CREBBP: variants seen among roughly 807,000 people sequenced by gnomAD.
CREBBP encodes the protein CREB binding lysine acetyltransferase.
CREBBP carries 19 observed loss-of-function variants against 265.0 expected under a neutral mutation model. The ratio of observed to expected loss-of-function variants is 0.07; its 90% CI spans 0.05 to 0.11. CREBBP has a LOEUF of 0.11. Among genes scored for constraint, CREBBP ranks in the 10% least tolerant of loss-of-function variants. CREBBP has a pLI of 1.00. For missense variants in CREBBP, 2,525 were observed against 3,219.0 expected, an observed-to-expected ratio of 0.78 and a Z score of 5.22; for synonymous variants, 1,457 against 1,223.7, an observed-to-expected ratio of 1.19 and a Z score of -3.98.
chr16:3,805,677 G>A (rs75823142), intron 3 of CREBBP, among the ~76,000 whole-genome samples: 17 of 152,288 alleles, frequency 1.1e-4, no homozygotes, highest in African/African-American at 2.9e-4. Flanking sequence ...GTTGGGGAGT[G>A]GGGGAAGATT....
At position 3,850,555 on chromosome 16, in the gene CREBBP, G is replaced by A; in HGVS notation, c.540C>T (p.Asn180=). Residue 180 remains asparagine (N), a synonymous_variant, in exon 2 of 31, where the codon AAC becomes AAT. Transcript: ENST00000262367. ...QTGPGICMNA[N]FNQTHPGLLN... ...GGAGGCCTGGGTGGGTCTGGTTAAA[G>A]TTAGCATTCATGCAGATACCAGGTC... The A allele has an allele frequency of 1.9e-6, 3 of 1,614,240 alleles. No individual in the cohort carries two copies. Among genetic ancestry groups the A allele is most frequent in the East Asian group, 2.2e-5 (1 of 44,892 alleles).
intron 16 of CREBBP, among the ~76,000 whole-genome samples, chr16:3,763,511 A>G (rs544932766): frequency 6.6e-6 from 1 of 152,202 alleles, no homozygotes; most frequent in South Asian, 2.1e-4. Flanking sequence ...CCCAGGCTGG[A>G]GTGCAATGGC....
At chr16:3,761,521 C>G (rs199586695) in intron 16 of CREBBP, 32 of 518,434 alleles carry the variant, frequency 6.2e-5, no homozygotes, top group Admixed American at 6.0e-4. Flanking sequence ...AAAACAGGCG[C>G]ACCAAGAACA....
Position 3,785,344 on chromosome 16 carries a change from C to T in CREBBP, c.1331-2418G>A, listed in dbSNP as rs981760239. Among the ~76,000 whole-genome samples the T allele has an allele frequency of 5.3e-5, 8 of 152,230 alleles. No homozygotes were observed. In the South Asian group the frequency reaches 6.2e-4, roughly 12 times the overall value. ...CAGTGAGTACACTCTGCCAGGCTCCCAGACATGGTGTGGGCACAATCTCTG... is the reference window on the plus strand; with the variant it reads ...CAGTGAGTACACTCTGCCAGGCTCCTAGACATGGTGTGGGCACAATCTCTG... On this transcript the variant is annotated intron_variant, in intron 5 of 30. Transcript: ENST00000262367.
chr16:3,845,468 T>C (rs945175890), intron 2 of CREBBP, among the ~76,000 whole-genome samples: 2 of 152,138 alleles, frequency 1.3e-5, no homozygotes, highest in African/African-American at 2.4e-5. Flanking sequence ...CAGCATATCG[T>C]ATCAGTGGGA....
At chr16:3,734,299 C>T (rs1236695137) in intron 28 of CREBBP, among the ~76,000 whole-genome samples, 3 of 152,158 alleles carry the variant, frequency 2.0e-5, no homozygotes, top group Admixed American at 6.5e-5. Flanking sequence ...GTGTTGCTGA[C>T]GAAGGCATGT....
intron 16 of CREBBP, among the ~76,000 whole-genome samples, chr16:3,764,072 T>C (rs1158468829): frequency 1.3e-5 from 2 of 152,156 alleles, no homozygotes; most frequent in East Asian, 3.9e-4. Context: ...TCACACACAC[T>C]GCTGCTGCTG....
chr16:3,838,454 G>A (rs1429382157), intron 2 of CREBBP, among the ~76,000 whole-genome samples: 1 of 152,094 alleles, frequency 6.6e-6, no homozygotes, highest in Non-Finnish European at 1.5e-5. Flanking sequence ...TCCCCTGGGA[G>A]ACATGTCAAA....
rs1223352226 is a variant in CREBBP, at chr16:3,850,401, G to C, written c.694C>G (p.Gln232Glu). The C allele has an allele frequency of 6.2e-7, 1 of 1,614,244 alleles. No individual in the cohort carries two copies. The highest frequency in any genetic ancestry group is 8.5e-7 in the Non-Finnish European group (1 of 1,180,034). Residue 232 changes from glutamine to glutamate, a missense_variant, in exon 2 of 31, where the codon CAG becomes GAG. This residue lies in a region of CREBBP where 356 missense variants were observed against 340.4 expected (regional missense o/e 1.05). Coordinates refer to ENST00000262367, the MANE Select transcript of CREBBP (RefSeq NM_004380.3). Reference sequence around the variant, plus strand: ...GCCAGCACGCTGCTCGAGGCGCCCTGCATGGCTGGAGTAGGGTACGGCATT... The same window carrying C: ...GCCAGCACGCTGCTCGAGGCGCCCTCCATGGCTGGAGTAGGGTACGGCATT... ...AGMPYPTPAM[Q>E]GASSSVLAET...
rs2151315375 is a variant in CREBBP, at chr16:3,731,121, C to T, written c.5172+71G>A. 9 of 1,523,566 alleles carry T rather than the reference C, an allele frequency of 5.9e-6. No homozygotes were observed. The highest frequency in any genetic ancestry group is 8.1e-6 in the Non-Finnish European group (9 of 1,116,334). The allele number at this position is 1,523,566 out of a possible 1,614,324, so 94.4% of individuals were successfully genotyped here. ...AGGTACAGACACCAACCCGGGCACC[C>T]ATGCAAAGGGACAGGATGCTTCGTC... On this transcript the variant is annotated intron_variant, in intron 30 of 30. Coordinates refer to ENST00000262367, the MANE Select transcript of CREBBP (RefSeq NM_004380.3). This position sits in a 1 kb window ranked among gnomAD's most constrained non-coding sequence, Gnocchi z 7.7.
In CREBBP at chr16:3,880,073, T is replaced by A; in HGVS notation, c.-157A>T. On this transcript the variant is annotated 5_prime_UTR_variant, in exon 1 of 31. Transcript: ENST00000262367. ...AGGGAGAGGGAGGGCGCAGGCCGGG[T>A]GGGGGAGGCGGCGGCCAAATCTCAG... 1 of 375,226 alleles carries A rather than the reference T, an allele frequency of 2.7e-6. No homozygotes were observed. Among genetic ancestry groups the A allele is most frequent in the Non-Finnish European group, 4.3e-6 (1 of 232,706 alleles). The allele number at this position is 375,226 out of a possible 1,614,324, so 23.2% of individuals were successfully genotyped here.
At chr16:3,858,745 G>C (rs2055013299) in intron 1 of CREBBP, among the ~76,000 whole-genome samples, 1 of 152,154 alleles carries the variant, frequency 6.6e-6, no homozygotes, top group Admixed American at 6.5e-5. Context: ...ATATTACACT[G>C]GGTCATCTTT....
At chr16:3,816,563 G>A (rs375615241) in intron 2 of CREBBP, among the ~76,000 whole-genome samples, 6 of 152,250 alleles carry the variant, frequency 3.9e-5, no homozygotes, top group Admixed American at 2.0e-4. Context: ...CTGTGGCTGC[G>A]GGTCTGAACT....
intron 21 of CREBBP, among the ~76,000 whole-genome samples, chr16:3,747,848 G>A (rs1186034965): frequency 6.6e-6 from 1 of 152,140 alleles, no homozygotes; most frequent in African/African-American, 2.4e-5. Flanking sequence ...CCAGCACCTT[G>A]AGAGGCCGAG....
Position 3,727,690 on chromosome 16 carries a change from A to G in CREBBP, c.*28T>C, listed in dbSNP as rs568317336. On this transcript the variant is annotated 3_prime_UTR_variant, in exon 31 of 31. Transcript: ENST00000262367. ...TCAGTACAAAAGGTCCAAGAACATGAAAGGGAAAAGGTGATGCTCTCACAA... is the reference window on the plus strand; with the variant it reads ...TCAGTACAAAAGGTCCAAGAACATGGAAGGGAAAAGGTGATGCTCTCACAA... 15 of 1,592,508 alleles carry G rather than the reference A, an allele frequency of 9.4e-6. No individual in the cohort carries two copies. The highest frequency in any genetic ancestry group is 1.2e-5 in the Non-Finnish European group (14 of 1,178,412).
At chr16:3,756,155 G>A (rs770016631) in intron 19 of CREBBP, among the ~76,000 whole-genome samples, 5 of 152,114 alleles carry the variant, frequency 3.3e-5, no homozygotes, top group African/African-American at 4.8e-5. Flanking sequence ...GACCAAATGA[G>A]AGTAAAATAA....
chr16:3,827,493 G>A (rs996582493), intron 2 of CREBBP, among the ~76,000 whole-genome samples: 2 of 152,090 alleles, frequency 1.3e-5, no homozygotes. Context: ...CCAGGTTCAC[G>A]AGATTCTTCT....
chr16:3,854,059 C>T (rs2054910822), intron 1 of CREBBP, among the ~76,000 whole-genome samples: 1 of 152,182 alleles, frequency 6.6e-6, no homozygotes, highest in African/African-American at 2.4e-5. Context: ...ATACCCCTGG[C>T]CCCATGCTGC....
At chr16:3,741,761 G>A (rs964958246) in intron 23 of CREBBP, 1 of 151,304 alleles carries the variant, frequency 6.6e-6, no homozygotes, top group Non-Finnish European at 1.5e-5. Context: ...CCAACATGGT[G>A]AAACCCCCGT....
Sources: allele counts gnomAD v4.1 joint callset (sites outside exome capture counted in the v4.1 genomes callset), GRCh38; gene constraint gnomAD v4.1.1; regional missense constraint gnomAD v4.1.1; non-coding constraint Gnocchi (gnomAD v3.1); transcripts MANE v1.5; gene names NCBI Gene and HGNC (gene_info 2026-07-23, HGNC 2026-07-21).